The following RPL23A variants were observed in gnomAD, a reference collection of about 807,000 sequenced individuals.
RPL23A encodes large ribosomal subunit protein uL23.
RPL23A carries 2 observed loss-of-function variants against 17.6 expected under a neutral mutation model. The observed-to-expected ratio is 0.11, with a 90% CI of 0.05 to 0.36. RPL23A has a LOEUF of 0.36. RPL23A is among the 10% of genes least tolerant of loss of function. The probability of loss-of-function intolerance (pLI) is 1.00; values close to 1 mark genes in which losing one functional copy is unlikely to be tolerated. For synonymous variants in RPL23A, 65 were observed against 74.3 expected (o/e 0.87, Z 0.65); for missense variants, 132 against 194.4 (o/e 0.68, Z 1.91).
At chr17:28,723,421 T>C (rs1597797788) in intron 3 of RPL23A, 150 bp from the exon 4 acceptor site, 1 of 780,346 alleles carries the variant, frequency 1.3e-6, no homozygotes, top group Non-Finnish European at 2.4e-6. Context: ...GGCTTCATGG[T>C]GTCCTCTGGG....
At chr17:28,720,098 G>T (rs2034074213) in intron 1 of RPL23A, 68 bp downstream of exon 1, 15 of 1,542,782 alleles carry the variant, frequency 9.7e-6, no homozygotes, top group Non-Finnish European at 1.3e-5. Flanking sequence ...GAACGAATTG[G>T]GAACACGGCT....
intron 1 of RPL23A, chr17:28,720,310 G>A (rs1430425260): frequency 1.9e-6 from 3 of 1,550,476 alleles, no homozygotes; most frequent in Non-Finnish European, 1.7e-6. Context: ...ACTGGTTGGA[G>A]CTCCATGTCC....
At chr17:28,721,350 G>A (rs1429144900) in intron 2 of RPL23A, 2 of 149,802 alleles carry the variant, frequency 1.3e-5, no homozygotes, top group South Asian at 2.0e-4. Context: ...GTGAAACTCT[G>A]TCTCAAAAAA....
intron 4 of RPL23A, 33 bp downstream of exon 4, chr17:28,723,673 C>T: frequency 6.3e-7 from 1 of 1,596,830 alleles, no homozygotes; most frequent in Non-Finnish European, 8.6e-7. Flanking sequence ...CCTTAATGCT[C>T]ACCCCTTGGG....
Position 28,720,801 on chromosome 17 carries a change from C to T in RPL23A, c.120C>T (p.Ile40=). Reference sequence around the variant, plus strand: ...TCCACAGCCACAAAAAGAAGAAGATCCGCACGTCACCCACCTTCCGGCGGC... The same window carrying T: ...TCCACAGCCACAAAAAGAAGAAGATTCGCACGTCACCCACCTTCCGGCGGC... ...KGVHSHKKKK[I]RTSPTFRRPK... The change falls in exon 2 of 5, where the codon ATC becomes ATT. Residue 40 remains isoleucine, a synonymous_variant. Coordinates refer to ENST00000422514, the MANE Select transcript of RPL23A (RefSeq NM_000984.6). 2.5e-6 allele frequency: 4 copies of T among 1,613,078 alleles called. No homozygotes were observed. The highest frequency in any genetic ancestry group is 3.4e-6 in the Non-Finnish European group (4 of 1,179,034).
chr17:28,723,430 G>C (rs527588664), intron 3 of RPL23A, 141 bp from the exon 4 acceptor site: 2 of 788,382 alleles, frequency 2.5e-6, no homozygotes, highest in East Asian at 4.9e-5. Flanking sequence ...GTGTCCTCTG[G>C]GCTAATGATG....
intron 2 of RPL23A, chr17:28,722,328 A>C: frequency 3.0e-6 from 1 of 337,902 alleles, no homozygotes; most frequent in Non-Finnish European, 5.9e-6. Flanking sequence ...ACAGGCGTGC[A>C]CCACCATGAC....
chr17:28,723,845 G>A (rs751707977), intron 4 of RPL23A, 22 bp from the exon 5 acceptor site: 24 of 1,603,024 alleles, frequency 1.5e-5, no homozygotes, highest in Admixed American at 6.7e-5. Context: ...CTCCAGTAAC[G>A]AGGCTCCCTT....
At position 28,723,371 on chromosome 17, in the gene RPL23A, A is replaced by T. The variant is rs1376540444; in HGVS notation, c.387-200A>T. On this transcript the variant is annotated intron_variant, in intron 3 of 4. Transcript: ENST00000422514. ...GCAGATTACCTTGGTTTAAGTCTTA[A>T]TGTGGCCTGTGGTGTTTCCCATAAG... 1.1e-5 allele frequency: 8 copies of T among 759,586 alleles called. No individual in the cohort carries two copies. In the African/African-American group the frequency reaches 1.4e-4, roughly 13 times the overall value. The allele number at this position is 759,586 out of a possible 1,614,324, so 47.1% of individuals were successfully genotyped here. A position where few individuals can be genotyped will look rare whatever the true frequency, so the allele number is the denominator to read the frequency against.
chr17:28,720,046 G>A lies in RPL23A; in HGVS notation c.25+16G>A, dbSNP rs778193730. ...AAGAAGGAAGGTGTGTGTTGGTGATGGGGCCGCAGCTGGTTTACCGGGGAT... is the reference window on the plus strand; with the variant it reads ...AAGAAGGAAGGTGTGTGTTGGTGATAGGGCCGCAGCTGGTTTACCGGGGAT... On this transcript the variant is annotated intron_variant, in intron 1 of 4. Coordinates refer to ENST00000422514, the MANE Select transcript of RPL23A (RefSeq NM_000984.6). The A allele has an allele frequency of 1.3e-6, 2 of 1,551,340 alleles. No individual in the cohort carries two copies. Among genetic ancestry groups the A allele is most frequent in the South Asian group, 2.4e-5 (2 of 84,036 alleles).
Position 28,723,559 on chromosome 17 carries a change from T to C in RPL23A, c.387-12T>C. 1.2e-6 allele frequency: 2 copies of C among 1,611,346 alleles called. No homozygotes were observed. Among genetic ancestry groups the C allele is most frequent in the Non-Finnish European group, 1.7e-6 (2 of 1,177,546 alleles). On this transcript the variant is annotated splice_polypyrimidine_tract_variant and intron_variant, in intron 3 of 4. Coordinates refer to ENST00000422514, the MANE Select transcript of RPL23A (RefSeq NM_000984.6). Reference sequence around the variant, plus strand: ...AGGGTGGCAGGGACTAAGGCTTCCTTCTCTACCCTAGGCCTGATGGAGAGA... The same window carrying C: ...AGGGTGGCAGGGACTAAGGCTTCCTCCTCTACCCTAGGCCTGATGGAGAGA...
At chr17:28,723,485 T>A in intron 3 of RPL23A, 86 bp from the exon 4 acceptor site, 1 of 923,676 alleles carries the variant, frequency 1.1e-6, no homozygotes, top group Non-Finnish European at 1.8e-6. Flanking sequence ...AAGGAACCAC[T>A]GAAGTGCCGG....
At chr17:28,723,685 G>A (rs767039537) in intron 4 of RPL23A, 45 bp downstream of exon 4, 1 of 1,547,762 alleles carries the variant, frequency 6.5e-7, no homozygotes, top group Non-Finnish European at 8.9e-7. Context: ...CCCCTTGGGT[G>A]CAAATGATGC....
In RPL23A at chr17:28,720,798, G is replaced by T; in HGVS notation, c.117G>T (p.Lys39Asn). Residue 39 changes from lysine to asparagine, a missense_variant, in exon 2 of 5, where the codon AAG (lysine) becomes AAT (asparagine). Around this residue, in one of 2 missense-constraint regions of RPL23A, gnomAD observed 63 missense variants for 48.9 expected, o/e 1.29. Coordinates refer to ENST00000422514, the MANE Select transcript of RPL23A (RefSeq NM_000984.6). The stretch of plus-strand genomic sequence containing the variant: ...GTGTCCACAGCCACAAAAAGAAGAA[G>T]ATCCGCACGTCACCCACCTTCCGGC... ...LKGVHSHKKK[K>N]IRTSPTFRRP... 5 of 1,613,400 alleles carry T rather than the reference G, an allele frequency of 3.1e-6. No individual in the cohort carries two copies. The highest frequency in any genetic ancestry group is 4.2e-6 in the Non-Finnish European group (5 of 1,179,336).
chr17:28,722,480 A>T, intron 2 of RPL23A: 2 of 637,876 alleles, frequency 3.1e-6, no homozygotes, highest in Admixed American at 3.6e-5. Flanking sequence ...CCTGGCCCAG[A>T]GATGATTCTT....
rs536101438 is a variant in RPL23A, at chr17:28,719,987, T to A, written c.-19T>A. 1.3e-6 allele frequency: 2 copies of A among 1,551,748 alleles called. No individual in the cohort carries two copies. Among genetic ancestry groups the A allele is most frequent in the Admixed American group, 3.9e-5 (2 of 50,998 alleles). ...GCTATAAGCCCGTGGGAACGAGCAT[T>A]GGAGACCCTTTTCACAAGATGGCGC... On this transcript the variant is annotated 5_prime_UTR_variant, in exon 1 of 5. Coordinates refer to ENST00000422514, the MANE Select transcript of RPL23A (RefSeq NM_000984.6).
At position 28,720,734 on chromosome 17, in the gene RPL23A, A is replaced by C; in HGVS notation, c.53A>C (p.Lys18Thr). Residue 18 changes from lysine to threonine, a missense_variant, in exon 2 of 5, where the codon AAA becomes ACA. Physicochemically the swap from Lys to Thr is moderately conservative, Grantham distance 78. This residue lies in a region of RPL23A where 63 missense variants were observed against 48.9 expected (regional missense o/e 1.29). Coordinates refer to ENST00000422514, the MANE Select transcript of RPL23A (RefSeq NM_000984.6). The part of the protein sequence containing the change: ...EAPAPPKAEA[K>T]AKALKAKKAV... Reference sequence around the variant, plus strand: ...CCTGCCCCTCCTAAAGCTGAAGCCAAAGCGAAGGCTTTAAAGGCCAAGAAG... The same window carrying C: ...CCTGCCCCTCCTAAAGCTGAAGCCACAGCGAAGGCTTTAAAGGCCAAGAAG... 2 of 1,614,032 alleles carry C rather than the reference A, an allele frequency of 1.2e-6. No homozygotes were observed. Among genetic ancestry groups the C allele is most frequent in the South Asian group, 1.1e-5 (1 of 91,076 alleles).
At position 28,720,139 on chromosome 17, in the gene RPL23A, G is replaced by C. The variant is rs376623510; in HGVS notation, c.25+109G>C. ...GCTAAGCCCTGAGGGCTCTGCTCCG[G>C]GGCTGCTCCCTGCGTTTCGGACACG... On this transcript the variant is annotated intron_variant, in intron 1 of 4. Coordinates refer to ENST00000422514, the MANE Select transcript of RPL23A (RefSeq NM_000984.6). 1.4e-5 allele frequency: 22 copies of C among 1,530,328 alleles called. 1 individual carries two copies. The South Asian group carries it at 2.4e-4, about 17-fold the overall frequency. 94.8% of individuals were successfully genotyped at this position (1,530,328 alleles called of 1,614,324 possible). A position where few individuals can be genotyped will look rare whatever the true frequency, so the allele number is the denominator to read the frequency against.
intron 1 of RPL23A, 58 bp downstream of exon 1, chr17:28,720,088 G>T: frequency 6.5e-7 from 1 of 1,546,636 alleles, no homozygotes; most frequent in South Asian, 1.2e-5. Flanking sequence ...GCCGCAGAGC[G>T]AACGAATTGG....
Sources: allele counts gnomAD v4.1 joint callset, GRCh38; gene constraint gnomAD v4.1.1; regional missense constraint gnomAD v4.1.1; transcripts MANE v1.5; gene names NCBI Gene and HGNC (gene_info 2026-07-23, HGNC 2026-07-21).